The following WDR91 variants were observed in gnomAD, a reference collection of about 807,000 sequenced individuals.
The protein encoded by WDR91 is WD repeat-containing protein 91.
Under a neutral mutation model 88.4 loss-of-function variants are expected in WDR91, and 52 were observed. The observed-to-expected ratio is 0.59, with a 90% CI of 0.47 to 0.74. WDR91 has a LOEUF of 0.74. Ranked by LOEUF, WDR91 falls within the 30% of genes least tolerant of loss-of-function variation. The pLI is 0.00. For missense variants in WDR91, 824 were observed against 954.5 expected (o/e 0.86, Z 1.80); for synonymous variants, 362 against 389.5 (o/e 0.93, Z 0.83).
chr7:135,187,849 T>C (rs190962400), intron 13 of WDR91, among the ~76,000 whole-genome samples: 52 of 152,246 alleles, frequency 3.4e-4, no homozygotes, highest in Admixed American at 2.8e-3. Context: ...TTGTAGTTAC[T>C]CCTTTCAAGG....
rs141164229 is a variant in WDR91, at chr7:135,186,312, C to T, written c.2083G>A (p.Gly695Ser). The T allele has an allele frequency of 2.5e-5, 40 of 1,611,552 alleles. No individual in the cohort carries two copies. Among genetic ancestry groups the T allele is most frequent in the Non-Finnish European group, 3.4e-5 (40 of 1,179,040 alleles). ...SATGGVIYKLGGDEKVLESCL... is the reference protein window; with the variant it reads ...SATGGVIYKLSGDEKVLESCL... Reference sequence around the variant, plus strand: ...CTCTCCAGAACCTTCTCATCGCCACCCAGCTGCAAGAGGACAGGAAAGAGG... The same window carrying T: ...CTCTCCAGAACCTTCTCATCGCCACTCAGCTGCAAGAGGACAGGAAAGAGG... Residue 695 changes from glycine (G) to serine (S), a missense_variant, in exon 15 of 15, where the codon GGT (glycine) becomes AGT (serine). Gly to Ser is a moderately conservative substitution (Grantham distance 56, BLOSUM62 0). Transcript: ENST00000354475.
At position 135,205,988 on chromosome 7, in the gene WDR91, A is replaced by G; in HGVS notation, c.665T>C (p.Leu222Ser). The stretch of plus-strand genomic sequence containing the variant: ...ATAAGGAGGCAATTTGTGTTGGACC[A>G]AGGCCTCTTCCTCTTCTGGCTGTTG... The part of the protein sequence containing the change: ...EEQQPEEEEA[L>S]VQHKLPPYVS... The change falls in exon 5 of 15, where the codon TTG (leucine) becomes TCG (serine). Residue 222 changes from leucine to serine, a missense_variant. Physicochemically the swap from Leu to Ser is moderately radical, Grantham distance 145. Transcript: ENST00000354475. 3 of 1,614,186 alleles carry G rather than the reference A, an allele frequency of 1.9e-6. No individual in the cohort carries two copies. The highest frequency in any genetic ancestry group is 2.5e-6 in the Non-Finnish European group (3 of 1,180,038).
chr7:135,196,239 T>C lies in WDR91; in HGVS notation c.1149A>G (p.Ala383=). The change falls in exon 8 of 15, where the codon GCA becomes GCG. Residue 383 remains alanine (A), a synonymous_variant. Coordinates refer to ENST00000354475, the MANE Select transcript of WDR91 (RefSeq NM_014149.4). This position sits in a 1 kb window ranked among gnomAD's most constrained non-coding sequence, Gnocchi z 4.2. ...PVEPLTRASS[A]GPEGGGVRPE... is the part of the protein sequence containing the mutation. Reference sequence around the variant, plus strand: ...GGCGGACTCCTCCACCCTCAGGGCCTGCCGAGGATGCCCGAGTCAGTGGCT... The same window carrying C: ...GGCGGACTCCTCCACCCTCAGGGCCCGCCGAGGATGCCCGAGTCAGTGGCT... The C allele has an allele frequency of 1.2e-6, 2 of 1,612,118 alleles. No individual in the cohort carries two copies. Among genetic ancestry groups the C allele is most frequent in the Non-Finnish European group, 1.7e-6 (2 of 1,179,074 alleles).
At chr7:135,198,720 G>A (rs1831464348) in intron 6 of WDR91, 1 of 152,230 alleles carries the variant, frequency 6.6e-6, no homozygotes, top group African/African-American at 2.4e-5. Context: ...AAAACCCAAG[G>A]AATGTTAAGA....
intron 11 of WDR91, 118 bp downstream of exon 11, chr7:135,193,113 A>C: frequency 6.9e-7 from 1 of 1,439,646 alleles, no homozygotes; most frequent in South Asian, 1.4e-5. Flanking sequence ...TCAACACTCA[A>C]AACTTTATTA....
At chr7:135,199,113 C>T (rs750253263) in intron 6 of WDR91, 1 of 152,196 alleles carries the variant, frequency 6.6e-6, no homozygotes, top group Non-Finnish European at 1.5e-5. Context: ...CCAAAGTCTA[C>T]CTGCTGCTTT....
intron 6 of WDR91, among the ~76,000 whole-genome samples, chr7:135,201,879 A>G (rs1340351794): frequency 1.3e-5 from 2 of 152,188 alleles, no homozygotes; most frequent in Non-Finnish European, 2.9e-5. Context: ...TTGTACACTC[A>G]AATTTAGGTG....
intron 6 of WDR91, chr7:135,202,243 C>T (rs1831601170): frequency 1.3e-5 from 2 of 152,336 alleles, no homozygotes; most frequent in South Asian, 2.1e-4. Context: ...GTAGGCCAGA[C>T]GACCTTCAAG....
intron 11 of WDR91, among the ~76,000 whole-genome samples, chr7:135,192,119 T>TGG (rs67641068): frequency 2.9e-5 from 4 of 137,830 alleles, no homozygotes; most frequent in African/African-American, 1.1e-4. Flanking sequence ...TTTTTTTTTT[T>TGG]TTTTTTTTTT....
At chr7:135,205,186 T>G (rs538631173) in intron 5 of WDR91, among the ~76,000 whole-genome samples, 15 of 152,350 alleles carry the variant, frequency 9.8e-5, no homozygotes, top group Non-Finnish European at 2.1e-4. Flanking sequence ...CTCTCTAATC[T>G]GCCTTCCTCT....
rs1831761750 is a variant in WDR91 at position 135,206,019 on chromosome 7, C to T, written c.634G>A (p.Glu212Lys). The change falls in exon 5 of 15, where the codon GAG becomes AAG. Residue 212 changes from glutamate to lysine, a missense_variant. By Grantham distance (56) the Glu-to-Lys change is moderately conservative (BLOSUM62 1). Transcript: ENST00000354475. ...LQAEIHRLKK[E>K]EQQPEEEEAL... is the part of the protein sequence containing the mutation. Reference sequence around the variant, plus strand: ...TCTTCCTCTTCTGGCTGTTGCTCCTCTTTCTTCAGTCGGTGGATTTCAGCT... The same window carrying T: ...TCTTCCTCTTCTGGCTGTTGCTCCTTTTTCTTCAGTCGGTGGATTTCAGCT... 1.4e-5 allele frequency: 22 copies of T among 1,614,106 alleles called. No individual in the cohort carries two copies. Among genetic ancestry groups the T allele is most frequent in the Non-Finnish European group, 1.7e-5 (20 of 1,180,054 alleles).
Position 135,193,377 on chromosome 7 carries a change from G to C in WDR91, c.1513C>G (p.Pro505Ala). The C allele has an allele frequency of 6.2e-7, 1 of 1,614,204 alleles. No individual in the cohort carries two copies. The highest frequency in any genetic ancestry group is 8.5e-7 in the Non-Finnish European group (1 of 1,180,034). The stretch of plus-strand genomic sequence containing the variant: ...GAACAGACGAAAGAGGCCCCGTTGG[G>C]GCTGCACGCAAGAGACAGGATTCTG... ...MPRILSLACSPNGASFVCSAA... is the reference protein window; with the variant it reads ...MPRILSLACSANGASFVCSAA... The change falls in exon 11 of 15, where the codon CCC becomes GCC. Residue 505 changes from proline (P) to alanine (A), a missense_variant. Coordinates refer to ENST00000354475, the MANE Select transcript of WDR91 (RefSeq NM_014149.4).
chr7:135,203,429 C>A (rs1354147627), intron 6 of WDR91, among the ~76,000 whole-genome samples: 2 of 152,184 alleles, frequency 1.3e-5, no homozygotes, highest in East Asian at 3.8e-4. Context: ...AGTCTGCAGG[C>A]ATTTCTGAAA....
At chr7:135,208,671 T>C (rs1831896312) in intron 3 of WDR91, 120 bp downstream of exon 3, 1 of 902,796 alleles carries the variant, frequency 1.1e-6, no homozygotes, top group Non-Finnish European at 1.6e-6. Context: ...ATGTGACCCA[T>C]AAAAATGGTC....
chr7:135,189,855 C>A (rs1831096176), intron 11 of WDR91, among the ~76,000 whole-genome samples: 1 of 152,194 alleles, frequency 6.6e-6, no homozygotes, highest in East Asian at 1.9e-4. Context: ...CCCTATGGCT[C>A]CCCACAGAAA....
Position 135,193,565 on chromosome 7 carries a change from G to A in WDR91, c.1490+13C>T. On this transcript the variant is annotated intron_variant, in intron 10 of 14. Coordinates refer to ENST00000354475, the MANE Select transcript of WDR91 (RefSeq NM_014149.4). ...CCTGCGGCCTTGATGGTGGGGGGTA[G>A]GTTCCAGTTCACCTGGGCATGTTGT... 6.2e-7 allele frequency: 1 copy of A among 1,613,996 alleles called. No homozygotes were observed. The highest frequency in any genetic ancestry group is 8.5e-7 in the Non-Finnish European group (1 of 1,179,956).
Position 135,211,426 on chromosome 7 carries a change from C to A in WDR91, c.77G>T (p.Arg26Leu). ...LLFRGFTHTL[R>L]QLDAEIKADK... ...CGCCTTGATCTCGGCGTCCAGCTGC[C>A]GCAGTGTGTGCGTGAACCCGCGGAA... is the stretch of plus-strand genomic sequence containing the variant. Residue 26 changes from arginine (R) to leucine (L), a missense_variant, in exon 1 of 15, where the codon CGG becomes CTG. Arg to Leu is a moderately radical substitution (Grantham distance 102, BLOSUM62 -2). Transcript: ENST00000354475. 6.2e-7 allele frequency: 1 copy of A among 1,612,396 alleles called. No homozygotes were observed. Among genetic ancestry groups the A allele is most frequent in the Non-Finnish European group, 8.5e-7 (1 of 1,179,328 alleles).
At chr7:135,202,029 A>G (rs1471569010) in intron 6 of WDR91, 4 of 152,216 alleles carry the variant, frequency 2.6e-5, no homozygotes, top group Admixed American at 2.0e-4. Context: ...TAGCATGGAA[A>G]AGGTAGGAAG....
chr7:135,207,789 G>A (rs993824141), intron 3 of WDR91, among the ~76,000 whole-genome samples: 3 of 152,232 alleles, frequency 2.0e-5, no homozygotes, highest in Non-Finnish European at 4.4e-5. Context: ...TCAGTTAGGA[G>A]GAGCACAGAG....
Sources: allele counts gnomAD v4.1 joint callset (sites outside exome capture counted in the v4.1 genomes callset), GRCh38; gene constraint gnomAD v4.1.1; non-coding constraint Gnocchi (gnomAD v3.1); transcripts MANE v1.5; gene names NCBI Gene and HGNC (gene_info 2026-07-23, HGNC 2026-07-21).